Variants in TANC2 observed in about 807,000 individuals in gnomAD.
The protein encoded by TANC2 is tetratricopeptide repeat, ankyrin repeat and coiled-coil containing 2.
TANC2 carries 26 observed loss-of-function variants against 210.5 expected under a neutral mutation model. That is an observed-to-expected ratio of 0.12 (90% CI 0.09 to 0.17). The LOEUF is 0.17. Ranked by LOEUF, TANC2 falls within the 10% of genes least tolerant of loss-of-function variation. The probability of loss-of-function intolerance (pLI) is 1.00; values close to 1 mark genes in which losing one functional copy is unlikely to be tolerated. For synonymous variants in TANC2, 931 were observed against 967.1 expected, an observed-to-expected ratio of 0.96 and a Z score of 0.69; for missense variants, 2,129 against 2,608.9, an observed-to-expected ratio of 0.82 and a Z score of 4.01.
At chr17:63,050,912 C>G (rs539028262) in intron 2 of TANC2, among the ~76,000 whole-genome samples, 1 of 152,270 alleles carries the variant, frequency 6.6e-6, no homozygotes, top group African/African-American at 2.4e-5. Flanking sequence ...ATTCTGTGTC[C>G]TAAATATTTC....
At chr17:63,400,283 G>A (rs974406480) in intron 19 of TANC2, among the ~76,000 whole-genome samples, 1 of 152,188 alleles carries the variant, frequency 6.6e-6, no homozygotes, top group Admixed American at 6.5e-5. Flanking sequence ...TAGTCATAGC[G>A]ATGAATATCA....
intron 20 of TANC2, 29 bp from the exon 21 acceptor site, chr17:63,406,125 A>C (rs1401327499): frequency 6.2e-7 from 1 of 1,612,842 alleles, no homozygotes; most frequent in Non-Finnish European, 8.5e-7. Flanking sequence ...TCTTTGGGCT[A>C]ATTGGTCCCT....
chr17:63,348,806 C>T (rs2046499229), intron 12 of TANC2, among the ~76,000 whole-genome samples: 1 of 152,136 alleles, frequency 6.6e-6, no homozygotes, highest in South Asian at 2.1e-4. Context: ...AATGAGTGAA[C>T]ATACTGAAGC....
intron 2 of TANC2, among the ~76,000 whole-genome samples, chr17:63,027,534 GAAA>G (rs928636103): frequency 6.6e-6 from 1 of 151,420 alleles, no homozygotes; most frequent in African/African-American, 2.4e-5. Context: ...TTATTTCAAA[GAAA>G]AAAAACCTCT....
intron 2 of TANC2, among the ~76,000 whole-genome samples, chr17:63,009,855 A>G (rs1305646195): frequency 2.0e-5 from 3 of 152,164 alleles, no homozygotes; most frequent in East Asian, 1.9e-4. Context: ...TTTATTTCTA[A>G]TATATTAGAG....
chr17:63,297,940 A>G (rs2146465480), intron 9 of TANC2, among the ~76,000 whole-genome samples: 1 of 152,296 alleles, frequency 6.6e-6, no homozygotes, highest in African/African-American at 2.4e-5. Flanking sequence ...ACAGATGTCT[A>G]GCTTATGAAA....
intron 12 of TANC2, among the ~76,000 whole-genome samples, chr17:63,349,805 C>T (rs189655986): frequency 1.3e-5 from 2 of 152,154 alleles, no homozygotes; most frequent in African/African-American, 2.4e-5. Flanking sequence ...ACACCCACCC[C>T]CCTCGTTGTT....
chr17:63,068,158 A>G (rs1445783360), intron 2 of TANC2, among the ~76,000 whole-genome samples: 1 of 152,168 alleles, frequency 6.6e-6, no homozygotes, highest in Non-Finnish European at 1.5e-5. Flanking sequence ...AGTTGTGGCA[A>G]AAATAGGCAG....
At chr17:63,297,157 A>G (rs1197494446) in intron 9 of TANC2, among the ~76,000 whole-genome samples, 1 of 152,186 alleles carries the variant, frequency 6.6e-6, no homozygotes, top group Non-Finnish European at 1.5e-5. Flanking sequence ...GGAGTCTACA[A>G]ATACAACACA....
chr17:63,194,880 G>A (rs1257000897), intron 6 of TANC2, among the ~76,000 whole-genome samples: 2 of 151,554 alleles, frequency 1.3e-5, no homozygotes, highest in African/African-American at 2.4e-5. Flanking sequence ...ATTTTTTTCA[G>A]TTTAAATGTA....
chr17:63,227,738 G>T (rs568527809), intron 7 of TANC2, among the ~76,000 whole-genome samples: 1 of 151,816 alleles, frequency 6.6e-6, no homozygotes, highest in African/African-American at 2.4e-5. Context: ...TTATTGTTTT[G>T]GGTTTTACAT....
chr17:63,390,343 T>C (rs2047926632), intron 17 of TANC2: 1 of 152,192 alleles, frequency 6.6e-6, no homozygotes, highest in Non-Finnish European at 1.5e-5. Context: ...AAAGTGGGAC[T>C]CCTCCACTCC....
At position 63,206,619 on chromosome 17, in the gene TANC2, G is replaced by T. The variant is rs2041720102; in HGVS notation, c.769+5662G>T. On this transcript the variant is annotated intron_variant, in intron 7 of 27. Transcript: ENST00000689528. ...ACAAAAGGATTGTATGATATATATGGTTCCACTCATATAAATGGAATACCA... is the reference window on the plus strand; with the variant it reads ...ACAAAAGGATTGTATGATATATATGTTTCCACTCATATAAATGGAATACCA... Among the ~76,000 whole-genome samples, 2 of 152,132 alleles carry T rather than the reference G, an allele frequency of 1.3e-5. 1 individual carries two copies. The highest frequency in any genetic ancestry group is 4.1e-4 in the South Asian group (2 of 4,828).
At chr17:63,090,980 G>A (rs908146599) in intron 3 of TANC2, among the ~76,000 whole-genome samples, 5 of 146,082 alleles carry the variant, frequency 3.4e-5, no homozygotes, top group Non-Finnish European at 6.0e-5. Flanking sequence ...ATTTTTTCAT[G>A]TGTCTGTTGG....
chr17:62,972,113 G>A (rs1442299235), intron 1 of TANC2, among the ~76,000 whole-genome samples: 1 of 152,052 alleles, frequency 6.6e-6, no homozygotes, highest in East Asian at 1.9e-4. Context: ...TTCTAGAAGG[G>A]TCAAAGTAAC....
At chr17:63,332,002 C>T (rs1279610007) in intron 11 of TANC2, 4 of 285,836 alleles carry the variant, frequency 1.4e-5, no homozygotes, top group East Asian at 1.9e-4. Flanking sequence ...TCAAGATCTT[C>T]GATGCTGTCA....
intron 2 of TANC2, among the ~76,000 whole-genome samples, chr17:63,017,825 T>C (rs756174189): frequency 5.9e-5 from 9 of 152,062 alleles, no homozygotes; most frequent in Admixed American, 1.3e-4. Context: ...ATAGAGCGAG[T>C]AATTACTAGA....
At chr17:63,212,556 T>C (rs1233546246) in intron 7 of TANC2, among the ~76,000 whole-genome samples, 1 of 152,214 alleles carries the variant, frequency 6.6e-6, no homozygotes, top group South Asian at 2.1e-4. Flanking sequence ...GTGCTTACAT[T>C]AGGAAAATGG....
intron 5 of TANC2, among the ~76,000 whole-genome samples, chr17:63,178,213 G>A (rs190993778): frequency 6.4e-4 from 97 of 152,234 alleles, no homozygotes; most frequent in Admixed American, 2.2e-3. Flanking sequence ...GGCGCCTGTA[G>A]TCCCAGCTAC....
Sources: gnomAD v4.1 joint callset for allele counts (sites outside exome capture counted in the v4.1 genomes callset) on GRCh38, gnomAD v4.1.1 for gene constraint, MANE v1.5 for transcripts, NCBI Gene and HGNC (gene_info 2026-07-23, HGNC 2026-07-21) for gene names.